Variants in ZC3H3 observed in about 807,000 individuals in gnomAD.
ZC3H3 encodes zinc finger CCCH-type containing 3, also known as zinc finger CCCH domain-containing protein 3.
ZC3H3 carries 36 observed loss-of-function variants against 77.3 expected under a neutral mutation model. The observed-to-expected ratio is 0.47, with a 90% CI of 0.36 to 0.61. The LOEUF (loss-of-function observed/expected upper bound fraction) is 0.61. Ranked by LOEUF, ZC3H3 falls within the 20% of genes least tolerant of loss-of-function variation. The pLI is 0.00. For synonymous variants in ZC3H3, 626 were observed against 555.2 expected (o/e 1.13, Z -1.79); for missense variants, 1,331 against 1,312.2 (o/e 1.01, Z -0.22).
At chr8:143,508,555 T>C (rs1821778996) in intron 3 of ZC3H3, among the ~76,000 whole-genome samples, 2 of 152,260 alleles carry the variant, frequency 1.3e-5, no homozygotes, top group Admixed American at 6.5e-5. Context: ...ACTTGATAGC[T>C]GGCAATTTAC....
intron 3 of ZC3H3, among the ~76,000 whole-genome samples, chr8:143,516,552 C>T (rs1201118044): frequency 7.5e-6 from 1 of 133,628 alleles, no homozygotes; most frequent in Non-Finnish European, 1.6e-5. Context: ...CACACACACA[C>T]ACACACACAC....
intron 9 of ZC3H3, among the ~76,000 whole-genome samples, chr8:143,441,603 G>A (rs576004971): frequency 2.2e-4 from 33 of 152,302 alleles, no homozygotes; most frequent in Middle Eastern, 3.4e-3. Context: ...GGCTGGGCAC[G>A]CGATCCCTAG....
rs372004488 is a variant in ZC3H3 at position 143,517,524 on chromosome 8, G to T, written c.1562-9625C>A. Among the ~76,000 whole-genome samples, 5 of 152,130 alleles carry T rather than the reference G, an allele frequency of 3.3e-5. No homozygotes were observed. In the East Asian group the frequency reaches 7.7e-4, roughly 23 times the overall value. The stretch of plus-strand genomic sequence containing the variant: ...GACAGCTGGGCTTGGGCCTGGCCAG[G>T]TGTGTGTGTGGCCAAGCGTGCACCC... On this transcript the variant is annotated intron_variant, in intron 3 of 11. Coordinates refer to ENST00000262577, the MANE Select transcript of ZC3H3 (RefSeq NM_015117.3).
chr8:143,522,471 C>T (rs1043696207), intron 3 of ZC3H3, among the ~76,000 whole-genome samples: 5 of 152,112 alleles, frequency 3.3e-5, no homozygotes, highest in East Asian at 1.9e-4. Flanking sequence ...GATGTGATGG[C>T]GTGAGCCTGT....
At chr8:143,526,918 CCAGGAGGCAAG>C (rs1822429527) in intron 3 of ZC3H3, among the ~76,000 whole-genome samples, 1 of 152,252 alleles carries the variant, frequency 6.6e-6, no homozygotes, top group African/African-American at 2.4e-5. Flanking sequence ...AAAGACACCG[CCAGGAGGCAAG>C]CAGGAGGCAA....
intron 9 of ZC3H3, among the ~76,000 whole-genome samples, chr8:143,450,711 G>A (rs1819967576): frequency 2.0e-5 from 3 of 152,154 alleles, no homozygotes; most frequent in East Asian, 1.9e-4. Context: ...GCCAGATCTT[G>A]TGAACATTCC....
Position 143,440,373 on chromosome 8 carries a change from A to C in ZC3H3, c.2493-10T>G, listed in dbSNP as rs1465897305. 6.6e-7 allele frequency: 1 copy of C among 1,517,794 alleles called. No individual in the cohort carries two copies. Among genetic ancestry groups the C allele is most frequent in the Admixed American group, 2.1e-5 (1 of 48,070 alleles). 94.0% of individuals were successfully genotyped at this position (1,517,794 alleles called of 1,614,324 possible). A position where few individuals can be genotyped will look rare whatever the true frequency, so the allele number is the denominator to read the frequency against. ...GGATGCTGAAGGCTTCCTGCAGGGAAGGAAGGGGCAGACGTGTGAGGTGGG... is the reference window on the plus strand; with the variant it reads ...GGATGCTGAAGGCTTCCTGCAGGGACGGAAGGGGCAGACGTGTGAGGTGGG... On this transcript the variant is annotated splice_polypyrimidine_tract_variant and intron_variant, in intron 10 of 11. Coordinates refer to ENST00000262577, the MANE Select transcript of ZC3H3 (RefSeq NM_015117.3).
At chr8:143,442,443 G>C (rs1186573911) in intron 9 of ZC3H3, among the ~76,000 whole-genome samples, 2 of 143,656 alleles carry the variant, frequency 1.4e-5, no homozygotes, top group South Asian at 5.1e-4. Flanking sequence ...GGGGGGGGGG[G>C]GGGGCAGGGG....
rs781296166 is a variant in ZC3H3 at position 143,536,282 on chromosome 8, G to A, written c.1536C>T (p.Ser512=). 9.3e-6 allele frequency: 15 copies of A among 1,611,652 alleles called. No homozygotes were observed. Among genetic ancestry groups the A allele is most frequent in the Non-Finnish European group, 1.3e-5 (15 of 1,179,662 alleles). ...CTTCCTTGGTGGGGAGGTGGGCCCG[G>A]CTCGGTGGCAGGCGACATAGTCGGT... ...TTHRLCRLPP[S]RAHLPTKEAS... is the part of the protein sequence containing the mutation. Residue 512 remains serine, a synonymous_variant, in exon 3 of 12, where the codon AGC becomes AGT. Coordinates refer to ENST00000262577, the MANE Select transcript of ZC3H3 (RefSeq NM_015117.3).
At chr8:143,520,854 CAGGAG>C (rs1822218873) in intron 3 of ZC3H3, among the ~76,000 whole-genome samples, 3 of 152,230 alleles carry the variant, frequency 2.0e-5, no homozygotes, top group Admixed American at 6.5e-5. Context: ...CACCCCTGCC[CAGGAG>C]CTAGGCCAGG....
intron 4 of ZC3H3, among the ~76,000 whole-genome samples, chr8:143,505,504 G>C (rs912479636): frequency 6.6e-6 from 1 of 152,152 alleles, no homozygotes; most frequent in Non-Finnish European, 1.5e-5. Flanking sequence ...CCAGCCCACT[G>C]GTGGCCATTC....
In ZC3H3 at chr8:143,534,497, A is replaced by T. The variant is rs140311690; in HGVS notation, c.1561+1760T>A. ...CCCTGCCTATGCCCCACTCTACTAG[A>T]GGCCTGAAGAGGGAGCAGGCCAGGT... On this transcript the variant is annotated intron_variant, in intron 3 of 11. Transcript: ENST00000262577. Among the ~76,000 whole-genome samples the T allele has an allele frequency of 4.5e-4, 68 of 152,190 alleles. 1 individual carries two copies. Among genetic ancestry groups the T allele is most frequent in the African/African-American group, 1.6e-3 (65 of 41,520 alleles).
intron 4 of ZC3H3, among the ~76,000 whole-genome samples, chr8:143,507,452 GCACAGA>G (rs1482178456): frequency 6.6e-6 from 1 of 152,280 alleles, no homozygotes; most frequent in Non-Finnish European, 1.5e-5. Context: ...AGCTTTCATG[GCACAGA>G]GCCCTCACCA....
chr8:143,508,045 C>T, intron 3 of ZC3H3, 146 bp from the exon 4 acceptor site: 1 of 984,206 alleles, frequency 1.0e-6, no homozygotes, highest in South Asian at 2.2e-5. Flanking sequence ...AACCCTCAAC[C>T]CATGTGGCAC....
At position 143,533,272 on chromosome 8, in the gene ZC3H3, A is replaced by T. The variant is rs1822680913; in HGVS notation, c.1561+2985T>A. On this transcript the variant is annotated intron_variant, in intron 3 of 11. Coordinates refer to ENST00000262577, the MANE Select transcript of ZC3H3 (RefSeq NM_015117.3). This position sits in a 1 kb window ranked among gnomAD's most constrained non-coding sequence, Gnocchi z 4.0. ...CCACAGCCTCCTTGTGCTCCAGAAC[A>T]CAGTAAGCTCGTTCCCACCTCCACC... Among the ~76,000 whole-genome samples, 1 of 152,088 alleles carries T rather than the reference A, an allele frequency of 6.6e-6. No homozygotes were observed. The highest frequency in any genetic ancestry group is 2.4e-5 in the African/African-American group (1 of 41,404).
At chr8:143,502,850 C>T (rs945144768) in intron 4 of ZC3H3, among the ~76,000 whole-genome samples, 3 of 152,228 alleles carry the variant, frequency 2.0e-5, no homozygotes, top group African/African-American at 4.8e-5. Flanking sequence ...CCTTCTGCCT[C>T]GCACCCCTGC....
At chr8:143,525,204 C>T (rs1391505650) in intron 3 of ZC3H3, among the ~76,000 whole-genome samples, 2 of 152,242 alleles carry the variant, frequency 1.3e-5, no homozygotes, top group African/African-American at 2.4e-5. Flanking sequence ...CAGCAGCGCT[C>T]GGCCTGCCCT....
chr8:143,520,666 A>G (rs1300370286), intron 3 of ZC3H3, among the ~76,000 whole-genome samples: 1 of 152,050 alleles, frequency 6.6e-6, no homozygotes, highest in Admixed American at 6.5e-5. Context: ...CATTTGCCAC[A>G]AGGTTCTAGG....
At chr8:143,504,106 G>A (rs1195190466) in intron 4 of ZC3H3, among the ~76,000 whole-genome samples, 5 of 152,058 alleles carry the variant, frequency 3.3e-5, no homozygotes, top group African/African-American at 1.2e-4. Flanking sequence ...AGTTTCTAGA[G>A]CTTCCCAGAG....
Sources: allele counts gnomAD v4.1 joint callset (sites outside exome capture counted in the v4.1 genomes callset), GRCh38; gene constraint gnomAD v4.1.1; non-coding constraint Gnocchi (gnomAD v3.1); transcripts MANE v1.5; gene names NCBI Gene and HGNC (gene_info 2026-07-23, HGNC 2026-07-21).